Variants in CNNM2 observed in about 807,000 individuals in gnomAD.
The protein encoded by CNNM2 is cyclin and CBS domain divalent metal cation transport mediator 2, also known as metal transporter CNNM2.
A neutral mutation model predicts 66.9 loss-of-function variants in CNNM2; 12 were observed. The ratio of observed to expected loss-of-function variants is 0.18; its 90% confidence interval spans 0.11 to 0.29. CNNM2 has a LOEUF of 0.29. Ranked by LOEUF, CNNM2 falls within the 10% of genes least tolerant of loss-of-function variation. The pLI, the probability that CNNM2 is intolerant of heterozygous loss-of-function variation, is 1.00. For missense variants in CNNM2, 705 were observed against 1,167.7 expected, an observed-to-expected ratio of 0.60 and a Z score of 5.77; for synonymous variants, 557 against 501.8, an observed-to-expected ratio of 1.11 and a Z score of -1.47.
At chr10:102,983,714 T>TCCC (rs1472062473) in intron 1 of CNNM2, among the ~76,000 whole-genome samples, 2 of 152,082 alleles carry the variant, frequency 1.3e-5, no homozygotes, top group African/African-American at 4.8e-5. Flanking sequence ...GTGCTGGGAT[T>TCCC]ACAGGCATGA....
chr10:103,004,429 G>T (rs1417585666), intron 1 of CNNM2, among the ~76,000 whole-genome samples: 1 of 152,174 alleles, frequency 6.6e-6, no homozygotes, highest in Non-Finnish European at 1.5e-5. Context: ...GGACATCTGT[G>T]TGCATTTCTG....
intron 1 of CNNM2, among the ~76,000 whole-genome samples, chr10:103,036,789 T>C (rs1564855459): frequency 6.6e-6 from 1 of 152,224 alleles, no homozygotes; most frequent in East Asian, 1.9e-4. Flanking sequence ...TTTTTAAATA[T>C]TTGTTTAAAC....
In CNNM2 at chr10:102,918,452, G is replaced by C; in HGVS notation, c.-29G>C. ...TGCGCTCGCGCCGCCGGGTTGAAAGGATGAAGCCGCAGCTGGAGCAGCCAC... is the reference window on the plus strand; with the variant it reads ...TGCGCTCGCGCCGCCGGGTTGAAAGCATGAAGCCGCAGCTGGAGCAGCCAC... On this transcript the variant is annotated 5_prime_UTR_variant, in exon 1 of 8. Coordinates refer to ENST00000369878, the MANE Select transcript of CNNM2 (RefSeq NM_017649.5). The surrounding 1 kb of genome is among the most constrained non-coding windows in gnomAD (Gnocchi z 4.1). The C allele has an allele frequency of 3.1e-6, 5 of 1,592,864 alleles. No individual in the cohort carries two copies. Among genetic ancestry groups the C allele is most frequent in the Non-Finnish European group, 4.3e-6 (5 of 1,173,814 alleles).
intron 1 of CNNM2, among the ~76,000 whole-genome samples, chr10:102,924,730 AAGGTGCTGGGATTAC>A (rs1845789864): frequency 6.6e-6 from 1 of 151,904 alleles, no homozygotes; most frequent in Non-Finnish European, 1.5e-5. Flanking sequence ...TGAGCCTTCC[AAGGTGCTGGGATTAC>A]AGGTGCATGC....
rs930717951 is a variant in CNNM2 at position 102,930,851 on chromosome 10, A to G, written c.1621+10750A>G. Among the ~76,000 whole-genome samples the G allele has an allele frequency of 2.6e-5, 4 of 152,298 alleles. No individual in the cohort carries two copies. The East Asian group carries it at 5.8e-4, about 22-fold the overall frequency. Reference sequence around the variant, plus strand: ...TTTAACATGTTTTCAAGGTTCATCCATGTTGTAGCATGTATCAGTATTTCA... The same window carrying G: ...TTTAACATGTTTTCAAGGTTCATCCGTGTTGTAGCATGTATCAGTATTTCA... On this transcript the variant is annotated intron_variant, in intron 1 of 7. Transcript: ENST00000369878.
At chr10:103,071,725 T>C in intron 5 of CNNM2, 49 bp from the exon 6 acceptor site, 2 of 1,416,682 alleles carry the variant, frequency 1.4e-6, no homozygotes, top group Non-Finnish European at 2.0e-6. Flanking sequence ...CAGAGATCTC[T>C]GTTCTTGCCT....
intron 1 of CNNM2, among the ~76,000 whole-genome samples, chr10:102,944,501 TTTAA>T (rs1846539133): frequency 6.6e-6 from 1 of 152,154 alleles, no homozygotes; most frequent in Non-Finnish European, 1.5e-5. Flanking sequence ...CACAGAAAAG[TTTAA>T]TTGGTACAAT....
At chr10:103,035,855 T>TTA in intron 1 of CNNM2, among the ~76,000 whole-genome samples, 1 of 152,350 alleles carries the variant, frequency 6.6e-6, no homozygotes, top group Non-Finnish European at 1.5e-5. Context: ...TTCTTGTCTT[T>TTA]TAAACAGTTT....
chr10:102,990,868 A>C (rs1050490093), intron 1 of CNNM2, among the ~76,000 whole-genome samples: 6 of 151,954 alleles, frequency 3.9e-5, no homozygotes, highest in Non-Finnish European at 1.5e-5. Flanking sequence ...TTACCTTCTG[A>C]TTTCTTTTAC....
chr10:103,057,049 CATACTGAA>C, intron 4 of CNNM2, 85 bp downstream of exon 4: 1 of 1,333,492 alleles, frequency 7.5e-7, no homozygotes, highest in Non-Finnish European at 1.0e-6. Flanking sequence ...TCACCGTGTA[CATACTGAA>C]CCTTTCTATA....
At chr10:103,068,837 C>T in intron 5 of CNNM2, 115 bp downstream of exon 5, 1 of 766,342 alleles carries the variant, frequency 1.3e-6, no homozygotes, top group Non-Finnish European at 2.1e-6. Context: ...CCTTTTTGAA[C>T]TTTTTTTTTG....
chr10:103,064,041 C>CT lies in CNNM2; in HGVS notation c.2074-4587dup, dbSNP rs570110211. Among the ~76,000 whole-genome samples the CT allele has an allele frequency of 3.4e-4, 51 of 152,214 alleles. 1 individual carries two copies. The Middle Eastern group carries it at 0.01, about 30-fold the overall frequency. ...CTTGCCTGCCAGAAAAGCTTAAATC[C>CT]TATAGAGAGGGATGTAGTGGGGTGG... is the stretch of plus-strand genomic sequence containing the variant. On this transcript the variant is annotated intron_variant, in intron 4 of 7. Transcript: ENST00000369878.
In CNNM2 at chr10:103,089,311, C is replaced by T. The variant is rs1443830249; in HGVS notation, c.*12131C>T. 2 of 242,222 alleles carry T rather than the reference C, an allele frequency of 8.3e-6. No homozygotes were observed. The highest frequency in any genetic ancestry group is 1.6e-5 in the Non-Finnish European group (2 of 124,794). 15.0% of individuals were successfully genotyped at this position (242,222 alleles called of 1,614,324 possible). A position where few individuals can be genotyped will look rare whatever the true frequency, so the allele number is the denominator to read the frequency against. ...TTGTAACATTACAGATCACCTCTTC[C>T]CACTCTTTGTTCCACTCTGAGACTC... On this transcript the variant is annotated 3_prime_UTR_variant, in exon 8 of 8. Coordinates refer to ENST00000369878, the MANE Select transcript of CNNM2 (RefSeq NM_017649.5).
At chr10:102,936,635 A>G (rs1846252304) in intron 1 of CNNM2, among the ~76,000 whole-genome samples, 3 of 151,866 alleles carry the variant, frequency 2.0e-5, no homozygotes, top group Non-Finnish European at 4.4e-5. Context: ...TTTGTGGACC[A>G]TCTTCTGCTT....
At chr10:102,921,810 A>T (rs1341136659) in intron 1 of CNNM2, among the ~76,000 whole-genome samples, 1 of 152,154 alleles carries the variant, frequency 6.6e-6, no homozygotes, top group Admixed American at 6.5e-5. Flanking sequence ...TTTACTCATG[A>T]ATTGATAACA....
At chr10:103,004,742 G>GGT (rs372401012) in intron 1 of CNNM2, among the ~76,000 whole-genome samples, 81 of 152,310 alleles carry the variant, frequency 5.3e-4, no homozygotes, top group Middle Eastern at 3.4e-3. Context: ...CCTTTGTTTA[G>GGT]GTGTGTGTGA....
rs1228034555 is a variant in CNNM2, at chr10:103,081,574, TAGG to T, written c.*4397_*4399del. On this transcript the variant is annotated 3_prime_UTR_variant, in exon 8 of 8. Transcript: ENST00000369878. The stretch of plus-strand genomic sequence containing the variant: ...TTTCTTAGGTGTTCAAGTTGGTTAA[TAGG>T]AGAGAGACGTTCAGAGACTTCTAAG... The T allele has an allele frequency of 6.6e-6, 1 of 152,220 alleles. No individual in the cohort carries two copies. Among genetic ancestry groups the T allele is most frequent in the Non-Finnish European group, 1.5e-5 (1 of 68,048 alleles). 9.4% of individuals were successfully genotyped at this position (152,220 alleles called of 1,614,324 possible).
intron 6 of CNNM2, among the ~76,000 whole-genome samples, chr10:103,075,755 T>A (rs2065679243): frequency 6.6e-6 from 1 of 152,252 alleles, no homozygotes; most frequent in African/African-American, 2.4e-5. Context: ...ATGTTGGGCC[T>A]TGGCCCAACC....
rs549531396 is a variant in CNNM2, at chr10:103,089,554, C to T, written c.*12374C>T. The T allele has an allele frequency of 2.7e-5, 39 of 1,418,218 alleles. No homozygotes were observed. The highest frequency in any genetic ancestry group is 2.7e-4 in the African/African-American group (19 of 69,314). 87.9% of individuals were successfully genotyped at this position (1,418,218 alleles called of 1,614,324 possible). ...ATAAAATCTTCAGAAACTTTTCAGA[C>T]GTACCTTTCATGGAGCCCCCTCCCT... is the stretch of plus-strand genomic sequence containing the variant. On this transcript the variant is annotated 3_prime_UTR_variant, in exon 8 of 8. Coordinates refer to ENST00000369878, the MANE Select transcript of CNNM2 (RefSeq NM_017649.5).
Sources: gnomAD v4.1 joint callset for allele counts (sites outside exome capture counted in the v4.1 genomes callset) on GRCh38, gnomAD v4.1.1 for gene constraint, Gnocchi (gnomAD v3.1) non-coding constraint, MANE v1.5 for transcripts, NCBI Gene and HGNC (gene_info 2026-07-23, HGNC 2026-07-21) for gene names.